The following IFI16 variants were observed in gnomAD, a reference collection of about 807,000 sequenced individuals.
IFI16 encodes gamma-interferon-inducible protein 16.
A neutral mutation model predicts 68.4 loss-of-function variants in IFI16; 49 were observed. The ratio of observed to expected loss-of-function variants is 0.72; its 90% confidence interval spans 0.57 to 0.91. IFI16 has a LOEUF of 0.91. IFI16 is among the 40% of genes least tolerant of loss of function. The probability of loss-of-function intolerance (pLI) is 0.00; values close to 1 mark genes in which losing one functional copy is unlikely to be tolerated. For synonymous variants in IFI16, 307 were observed against 315.0 expected, an observed-to-expected ratio of 0.97 and a Z score of 0.27; for missense variants, 878 against 942.9, an observed-to-expected ratio of 0.93 and a Z score of 0.90.
At chr1:159,019,741 G>T (rs1021365040) in intron 5 of IFI16, among the ~76,000 whole-genome samples, 5 of 152,148 alleles carry the variant, frequency 3.3e-5, no homozygotes, top group African/African-American at 1.2e-4. Flanking sequence ...TTACAGGCAT[G>T]AGCCATTGCG....
At chr1:159,052,655 G>A (rs927713504) in intron 10 of IFI16, 1 of 152,022 alleles carries the variant, frequency 6.6e-6, no homozygotes, top group Non-Finnish European at 1.5e-5. Flanking sequence ...GGAGACTGTA[G>A]AGCAACTAAC....
Position 159,018,758 on chromosome 1 carries a change from G to T in IFI16, c.972+107G>T, listed in dbSNP as rs921758835. The T allele has an allele frequency of 5.3e-6, 4 of 754,424 alleles. No homozygotes were observed. The Admixed American group carries it at 7.3e-5, about 14-fold the overall frequency. 46.7% of individuals were successfully genotyped at this position (754,424 alleles called of 1,614,324 possible). Reference sequence around the variant, plus strand: ...CTATAAACTGGATATTAGAATCCAGGACTCTGAAGACTAATGACAGGTGGA... The same window carrying T: ...CTATAAACTGGATATTAGAATCCAGTACTCTGAAGACTAATGACAGGTGGA... On this transcript the variant is annotated intron_variant, in intron 5 of 11. Transcript: ENST00000295809.
chr1:159,053,146 AC>A, intron 10 of IFI16: 2 of 158,090 alleles, frequency 1.3e-5, no homozygotes, highest in Admixed American at 6.4e-5. Flanking sequence ...TCTCAAACTT[AC>A]AAAGTGCCAT....
chr1:159,051,648 T>C (rs185057986), intron 9 of IFI16, 31 bp from the exon 10 acceptor site: 14 of 1,561,702 alleles, frequency 9.0e-6, no homozygotes, highest in African/African-American at 1.4e-5. Context: ...CTGTTTTAAT[T>C]GTGCCTATGT....
At chr1:159,009,408 T>C (rs552924360), upstream of IFI16, among the ~76,000 whole-genome samples, 1 of 152,312 alleles carries the variant, frequency 6.6e-6, no homozygotes, top group East Asian at 1.9e-4. Context: ...TAGCAGACAT[T>C]TCCCCAACCA....
intron 7 of IFI16, among the ~76,000 whole-genome samples, chr1:159,044,353 T>C (rs1306531097): frequency 6.6e-6 from 1 of 151,768 alleles, no homozygotes; most frequent in African/African-American, 2.4e-5. Flanking sequence ...TGTTAAAATG[T>C]CTGCAGTTTA....
chr1:159,030,226 G>A (rs1278489308), intron 6 of IFI16, among the ~76,000 whole-genome samples: 3 of 151,774 alleles, frequency 2.0e-5, no homozygotes, highest in Admixed American at 2.0e-4. Context: ...ATTTCTTTAA[G>A]TTGGTATTCA....
chr1:159,039,835 ACATAAACCCCATC>A (rs1266644187), intron 7 of IFI16, among the ~76,000 whole-genome samples: 3 of 152,210 alleles, frequency 2.0e-5, no homozygotes, highest in African/African-American at 7.2e-5. Flanking sequence ...ACAGAAAATT[ACATAAACCCCATC>A]CAGCCATTTC....
rs535336231 is a variant in IFI16, at chr1:159,014,907, A to G, written c.227A>G (p.Glu76Gly). 1 of 1,612,370 alleles carries G rather than the reference A, an allele frequency of 6.2e-7. No homozygotes were observed. The highest frequency in any genetic ancestry group is 1.7e-5 in the Admixed American group (1 of 59,616). Residue 76 changes from glutamate to glycine, a missense_variant, in exon 2 of 12, where the codon GAA becomes GGA. Glu to Gly is a moderately conservative substitution (Grantham distance 98). Coordinates refer to ENST00000295809, the MANE Select transcript of IFI16 (RefSeq NM_001376587.1). ...IKIFEDIPTLEDLAETLKKEK... is the reference protein window; with the variant it reads ...IKIFEDIPTLGDLAETLKKEK... ...ATTTTCGAAGATATACCAACGCTTG[A>G]AGACCTGGCTGAAACTCTTAAAAAA...
chr1:159,045,920 A>G (rs938033899), intron 8 of IFI16, among the ~76,000 whole-genome samples: 2 of 151,248 alleles, frequency 1.3e-5, no homozygotes, highest in African/African-American at 4.8e-5. Flanking sequence ...CTAATGCCAC[A>G]TTTCAGTACA....
chr1:159,005,237 T>C (rs1652211011), upstream of IFI16, among the ~76,000 whole-genome samples: 2 of 152,212 alleles, frequency 1.3e-5, no homozygotes, highest in Non-Finnish European at 2.9e-5. Flanking sequence ...ACCCAGTCTA[T>C]AGTATTCCAT....
chr1:159,042,212 T>A (rs1243575763), intron 7 of IFI16, among the ~76,000 whole-genome samples: 1 of 152,234 alleles, frequency 6.6e-6, no homozygotes, highest in African/African-American at 2.4e-5. Context: ...TGATGATAGG[T>A]TCTCTCACAA....
At chr1:159,002,269 C>T (rs1015598887), upstream of IFI16, among the ~76,000 whole-genome samples, 5 of 151,796 alleles carry the variant, frequency 3.3e-5, no homozygotes, top group African/African-American at 7.3e-5. Context: ...ATGCCAACAG[C>T]CTGCTTATCA....
chr1:159,045,539 C>T (rs566137942), intron 8 of IFI16, 75 bp downstream of exon 8: 1 of 1,550,394 alleles, frequency 6.4e-7, no homozygotes, highest in African/African-American at 1.4e-5. Context: ...CTTGAAAGCA[C>T]CTCACCAATC....
chr1:159,036,821 C>G (rs1012076556), intron 7 of IFI16, among the ~76,000 whole-genome samples: 1 of 152,202 alleles, frequency 6.6e-6, no homozygotes, highest in South Asian at 2.1e-4. Flanking sequence ...AGTGTCTCAT[C>G]TAGGTGCCAA....
intron 6 of IFI16, among the ~76,000 whole-genome samples, chr1:159,026,705 C>T (rs1653694678): frequency 3.9e-5 from 6 of 152,084 alleles, no homozygotes; most frequent in Admixed American, 3.9e-4. Context: ...TTTAGTTTTC[C>T]TTTAGAGGTC....
intron 5 of IFI16, among the ~76,000 whole-genome samples, chr1:159,018,897 A>G (rs143274923): frequency 2.0e-4 from 30 of 152,314 alleles, no homozygotes; most frequent in Admixed American, 1.6e-3. Flanking sequence ...TCACTGAGAA[A>G]CCTTAAGACT....
intron 11 of IFI16, among the ~76,000 whole-genome samples, chr1:159,054,328 G>C (rs1032901651): frequency 6.6e-6 from 1 of 152,204 alleles, no homozygotes; most frequent in Non-Finnish European, 1.5e-5. Flanking sequence ...CACTAACAAA[G>C]GCTAATATTA....
chr1:159,050,052 C>G (rs1185411367), intron 9 of IFI16, among the ~76,000 whole-genome samples: 1 of 152,178 alleles, frequency 6.6e-6, no homozygotes, highest in Non-Finnish European at 1.5e-5. Flanking sequence ...TGCCACATTT[C>G]AGTACATGGT....
Sources: gnomAD v4.1 joint callset for allele counts (sites outside exome capture counted in the v4.1 genomes callset) on GRCh38, gnomAD v4.1.1 for gene constraint, MANE v1.5 for transcripts, NCBI Gene and HGNC (gene_info 2026-07-23, HGNC 2026-07-21) for gene names.